The following ZSWIM3 variants were observed in gnomAD, a reference collection of about 807,000 sequenced individuals.
ZSWIM3 encodes the protein zinc finger SWIM domain-containing protein 3.
A neutral mutation model predicts 47.5 loss-of-function variants in ZSWIM3; 27 were observed. The observed-to-expected ratio is 0.57, with a 90% CI of 0.42 to 0.78. The LOEUF (loss-of-function observed/expected upper bound fraction) is 0.78. Among genes scored for constraint, ZSWIM3 ranks in the 30% least tolerant of loss-of-function variants. ZSWIM3 has a pLI of 0.00. For synonymous variants in ZSWIM3, 333 were observed against 333.9 expected, an observed-to-expected ratio of 1.00 and a Z score of 0.03; for missense variants, 689 against 861.3, an observed-to-expected ratio of 0.80 and a Z score of 2.50.
At chr20:45,873,295 G>A (rs6104379) in intron 1 of ZSWIM3, among the ~76,000 whole-genome samples, 78,215 of 151,692 alleles carry the variant, frequency 0.52, 20,668 homozygotes, top group Admixed American at 0.6. Context: ...CAGCTACTCG[G>A]GAGGCTGACA....
intron 1 of ZSWIM3, among the ~76,000 whole-genome samples, chr20:45,875,074 T>TGTC (rs937434504): frequency 7.4e-6 from 1 of 134,914 alleles, no homozygotes; most frequent in African/African-American, 2.7e-5. Context: ...AGTCTCACTC[T>TGTC]GTCACCCAGG....
chr20:45,861,967 TG>T (rs1276861051), intron 1 of ZSWIM3, among the ~76,000 whole-genome samples: 1 of 151,882 alleles, frequency 6.6e-6, no homozygotes, highest in East Asian at 1.9e-4. Context: ...AGGCGGAGGT[TG>T]CAGTGAGTCA....
Position 45,877,510 on chromosome 20 carries a change from T to C in ZSWIM3, c.952T>C (p.Leu318=). 6.2e-7 allele frequency: 1 copy of C among 1,614,168 alleles called. No homozygotes were observed. The highest frequency in any genetic ancestry group is 1.3e-5 in the African/African-American group (1 of 75,046). ...CACAACCCGACTCTTGGAGAAGAAG[T>C]TGCATCGTAGTTCAGCAAATCCATC... ...YHTTRLLEKK[L]HRSSANPSFK... Residue 318 remains leucine, a synonymous_variant, in exon 2 of 2, where the codon TTG becomes CTG. Coordinates refer to ENST00000255152, the MANE Select transcript of ZSWIM3 (RefSeq NM_080752.4).
chr20:45,869,659 C>T (rs1985922638), intron 1 of ZSWIM3, among the ~76,000 whole-genome samples: 1 of 152,144 alleles, frequency 6.6e-6, no homozygotes, highest in Admixed American at 6.5e-5. Flanking sequence ...GGCCTGGACT[C>T]TGCATTTTTC....
intron 1 of ZSWIM3, among the ~76,000 whole-genome samples, chr20:45,859,072 A>G (rs2040136122): frequency 6.6e-6 from 1 of 152,200 alleles, no homozygotes; most frequent in Admixed American, 6.6e-5. Context: ...TGGCTGCCAT[A>G]TGAAAATAAA....
chr20:45,875,181 T>C (rs570801691), intron 1 of ZSWIM3, among the ~76,000 whole-genome samples: 25 of 151,794 alleles, frequency 1.6e-4, no homozygotes, highest in Non-Finnish European at 3.5e-4. Flanking sequence ...TAGCTGGGAC[T>C]ACAGGCGCCT....
At chr20:45,862,365 CTCAATCT>C in intron 1 of ZSWIM3, among the ~76,000 whole-genome samples, 1 of 151,370 alleles carries the variant, frequency 6.6e-6, no homozygotes, top group South Asian at 2.1e-4. Flanking sequence ...CGAGGAAGGT[CTCAATCT>C]CCTGACCCGG....
rs1379580142 is a variant in ZSWIM3, at chr20:45,876,852, A to C, written c.294A>C (p.Thr98=). The part of the protein sequence containing the change: ...LDRLFISELN[T]QHIHGDSKVA... ...GACTATTTATCAGTGAACTAAACAC[A>C]CAGCACATACATGGTGACTCTAAAG... Residue 98 remains threonine, a synonymous_variant, in exon 2 of 2, where the codon ACA becomes ACC. Transcript: ENST00000255152. 1 of 1,614,200 alleles carries C rather than the reference A, an allele frequency of 6.2e-7. No homozygotes were observed. Among genetic ancestry groups the C allele is most frequent in the East Asian group, 2.2e-5 (1 of 44,886 alleles).
rs59152975 is a variant in ZSWIM3, at chr20:45,860,510, CAAAAAAAAAAAA to C, written c.155+2544_155+2555del. Among the ~76,000 whole-genome samples, 593 of 102,618 alleles carry C rather than the reference CAAAAAAAAAAAA, an allele frequency of 5.8e-3. 2 individuals are homozygous for C. Among genetic ancestry groups the C allele is most frequent in the Middle Eastern group, 0.026 (5 of 192 alleles). 67.3% of individuals were successfully genotyped at this position (102,618 alleles called of 152,430 possible). ...TCGGCAACAGAGCGAGACTCCATCT[CAAAAAAAAAAAA>C]AAAAAAAAAAAAAGAATCCTTTTCC... On this transcript the variant is annotated intron_variant, in intron 1 of 1. Coordinates refer to ENST00000255152, the MANE Select transcript of ZSWIM3 (RefSeq NM_080752.4).
chr20:45,875,901 G>A (rs1444419887), intron 1 of ZSWIM3, among the ~76,000 whole-genome samples: 3 of 150,916 alleles, frequency 2.0e-5, no homozygotes, highest in Admixed American at 2.0e-4. Flanking sequence ...GCACAAATCA[G>A]AGCTAACTGC....
intron 1 of ZSWIM3, among the ~76,000 whole-genome samples, chr20:45,868,925 T>C (rs1010241234): frequency 3.3e-5 from 5 of 151,274 alleles, no homozygotes; most frequent in Non-Finnish European, 5.9e-5. Context: ...CCTCAGCCTC[T>C]TGAGTAGCTA....
At chr20:45,866,008 A>AT (rs386393844) in intron 1 of ZSWIM3, among the ~76,000 whole-genome samples, 1 of 149,048 alleles carries the variant, frequency 6.7e-6, no homozygotes, top group African/African-American at 2.5e-5. Context: ...AAAAAAAAAA[A>AT]GAAAAAGAAA....
chr20:45,857,792 G>A lies in ZSWIM3; in HGVS notation c.-34G>A, dbSNP rs1284673223. 1 of 1,607,520 alleles carries A rather than the reference G, an allele frequency of 6.2e-7. No homozygotes were observed. Among genetic ancestry groups the A allele is most frequent in the Non-Finnish European group, 8.5e-7 (1 of 1,176,048 alleles). ...CTGGTGTGATCTTGGGCCCGGGCTG[G>A]GACCAGCCCCTAGTGTGGGTTGTGG... On this transcript the variant is annotated 5_prime_UTR_variant, in exon 1 of 2. Transcript: ENST00000255152.
At chr20:45,873,939 A>C (rs1181463868) in intron 1 of ZSWIM3, among the ~76,000 whole-genome samples, 1 of 152,252 alleles carries the variant, frequency 6.6e-6, no homozygotes, top group Non-Finnish European at 1.5e-5. Context: ...GAATAGAGAT[A>C]AGAAAAGAAC....
rs1009935259 is a variant in ZSWIM3, at chr20:45,878,448, C to T, written c.1890C>T (p.Leu630=). Reference sequence around the variant, plus strand: ...TAAGCAGGGAGTTAGCAAACCTGCTCATGCAGACCGAGGGGCCAGAGCTGG... The same window carrying T: ...TAAGCAGGGAGTTAGCAAACCTGCTTATGCAGACCGAGGGGCCAGAGCTGG... ...QDLSRELANL[L]MQTEGPELEE... is the part of the protein sequence containing the mutation. Residue 630 remains leucine, a synonymous_variant, in exon 2 of 2, where the codon CTC becomes CTT. Coordinates refer to ENST00000255152, the MANE Select transcript of ZSWIM3 (RefSeq NM_080752.4). 6 of 1,614,226 alleles carry T rather than the reference C, an allele frequency of 3.7e-6. No homozygotes were observed. The highest frequency in any genetic ancestry group is 1.1e-5 in the South Asian group (1 of 91,084).
intron 1 of ZSWIM3, chr20:45,872,591 CCAGA>C: frequency 1.4e-6 from 1 of 713,036 alleles, no homozygotes. Flanking sequence ...GAAGGGCATT[CCAGA>C]CAAAGGGACA....
chr20:45,875,321 C>T (rs1047216983), intron 1 of ZSWIM3, among the ~76,000 whole-genome samples: 7 of 152,018 alleles, frequency 4.6e-5, no homozygotes, highest in South Asian at 2.1e-4. Flanking sequence ...GGATTACAGG[C>T]GTGAGCCACT....
intron 1 of ZSWIM3, among the ~76,000 whole-genome samples, chr20:45,875,561 G>A (rs1986072081): frequency 6.6e-6 from 1 of 151,786 alleles, no homozygotes; most frequent in Admixed American, 6.6e-5. Flanking sequence ...GAGTACAATA[G>A]CGTGATCTCG....
chr20:45,865,021 T>C (rs570763455), intron 1 of ZSWIM3, among the ~76,000 whole-genome samples: 1 of 151,270 alleles, frequency 6.6e-6, no homozygotes, highest in Non-Finnish European at 1.5e-5. Context: ...ATACAAAAAA[T>C]TTATCCAGGC....
Sources: gnomAD v4.1 joint callset for allele counts (sites outside exome capture counted in the v4.1 genomes callset) on GRCh38, gnomAD v4.1.1 for gene constraint, MANE v1.5 for transcripts, NCBI Gene and HGNC (gene_info 2026-07-23, HGNC 2026-07-21) for gene names.